The following DNAH5 variants were observed in gnomAD, a reference collection of about 807,000 sequenced individuals.
DNAH5 encodes the protein axonemal beta dynein heavy chain 5.
DNAH5 carries 372 observed loss-of-function variants against 518.2 expected under a neutral mutation model. That is an observed-to-expected ratio of 0.72 (90% CI 0.66 to 0.78). The LOEUF (loss-of-function observed/expected upper bound fraction) is 0.78, where lower values mean the gene tolerates loss of function less well. Among genes scored for constraint, DNAH5 ranks in the 30% least tolerant of loss-of-function variants. The pLI is 0.00. For synonymous variants in DNAH5, 2,039 were observed against 2,025.9 expected (o/e 1.01, Z -0.17); for missense variants, 5,523 against 5,687.0 (o/e 0.97, Z 0.93).
intron 60 of DNAH5, among the ~76,000 whole-genome samples, chr5:13,759,604 C>T (rs867529432): frequency 2.6e-5 from 4 of 152,068 alleles, no homozygotes; most frequent in African/African-American, 4.8e-5. Flanking sequence ...TATTTCTTGC[C>T]TTCTGGAAAG....
intron 30 of DNAH5, among the ~76,000 whole-genome samples, chr5:13,857,123 A>C (rs996973352): frequency 1.3e-5 from 2 of 152,222 alleles, no homozygotes; most frequent in East Asian, 3.8e-4. Flanking sequence ...CCATTGTCTC[A>C]GCCCCAAAAC....
chr5:13,949,718 A>G (rs984001785), intron 1 of DNAH5, among the ~76,000 whole-genome samples: 1 of 152,242 alleles, frequency 6.6e-6, no homozygotes, highest in African/African-American at 2.4e-5. Context: ...AGTGCCTTTC[A>G]TGTAGAAAGT....
At chr5:13,785,914 G>A (rs1265808689) in intron 52 of DNAH5, among the ~76,000 whole-genome samples, 2 of 152,162 alleles carry the variant, frequency 1.3e-5, no homozygotes, top group Non-Finnish European at 2.9e-5. Context: ...TTCATCCTCC[G>A]TGGTGAAAGC....
At chr5:13,889,960 C>A (rs980491668) in intron 17 of DNAH5, among the ~76,000 whole-genome samples, 4 of 152,166 alleles carry the variant, frequency 2.6e-5, no homozygotes, top group African/African-American at 9.7e-5. Context: ...GAGTCCTTAT[C>A]CTCAAGATGC....
intron 51 of DNAH5, 108 bp from the exon 52 acceptor site, chr5:13,786,459 T>C (rs1460674091): frequency 5.2e-6 from 6 of 1,157,180 alleles, no homozygotes; most frequent in African/African-American, 1.5e-5. Context: ...ATAACATTCA[T>C]TTTAAGCTAA....
intron 1 of DNAH5, among the ~76,000 whole-genome samples, chr5:13,954,181 G>A (rs1009928935): frequency 6.6e-6 from 1 of 152,102 alleles, no homozygotes; most frequent in Non-Finnish European, 1.5e-5. Context: ...CTCACCAAAG[G>A]CAATCAAAAC....
At chr5:13,829,880 T>G in intron 37 of DNAH5, 146 bp downstream of exon 37, 2 of 1,083,434 alleles carry the variant, frequency 1.8e-6, no homozygotes, top group Non-Finnish European at 2.8e-6. Flanking sequence ...CATATGATCT[T>G]TGCTTAACAC....
intron 1 of DNAH5, among the ~76,000 whole-genome samples, chr5:13,966,848 T>C (rs574629834): frequency 1.3e-5 from 2 of 152,128 alleles, no homozygotes; most frequent in South Asian, 4.2e-4. Flanking sequence ...TAAAGCATTG[T>C]TTTTTGTTTT....
chr5:13,987,892 T>C (rs536759670), intron 1 of DNAH5, among the ~76,000 whole-genome samples: 35 of 123,562 alleles, frequency 2.8e-4, no homozygotes, highest in East Asian at 2.6e-3. Context: ...GATTATTCAA[T>C]AGGACCCTTC....
intron 1 of DNAH5, among the ~76,000 whole-genome samples, chr5:13,937,790 A>C (rs1449932761): frequency 6.6e-6 from 1 of 152,150 alleles, no homozygotes; most frequent in Admixed American, 6.5e-5. Flanking sequence ...CGTTGAAATG[A>C]ATATATTTCT....
intron 65 of DNAH5, among the ~76,000 whole-genome samples, chr5:13,749,690 A>C (rs1382964117): frequency 6.6e-6 from 1 of 152,210 alleles, no homozygotes; most frequent in Non-Finnish European, 1.5e-5. Flanking sequence ...CCAAGGCTAC[A>C]GGTGGAAGGA....
intron 1 of DNAH5, among the ~76,000 whole-genome samples, chr5:13,969,043 A>G (rs1457454053): frequency 1.3e-5 from 2 of 152,078 alleles, no homozygotes; most frequent in African/African-American, 4.8e-5. Flanking sequence ...GGTTTAATCT[A>G]AAATAGTTGT....
chr5:13,723,573 T>C (rs1009845918), intron 70 of DNAH5, among the ~76,000 whole-genome samples: 9 of 152,232 alleles, frequency 5.9e-5, no homozygotes, highest in Non-Finnish European at 1.3e-4. Flanking sequence ...TTTTAGACTT[T>C]GGTGGCCAAA....
At chr5:13,878,975 T>A (rs1771268080) in intron 21 of DNAH5, among the ~76,000 whole-genome samples, 1 of 152,182 alleles carries the variant, frequency 6.6e-6, no homozygotes, top group Non-Finnish European at 1.5e-5. Flanking sequence ...TTAGGGGTAC[T>A]GACAGGACAT....
Position 13,841,806 on chromosome 5 carries a change from A to C in DNAH5, c.5370T>G (p.Asn1790Lys). 1 of 1,613,360 alleles carries C rather than the reference A, an allele frequency of 6.2e-7. No individual in the cohort carries two copies. Among genetic ancestry groups the C allele is most frequent in the East Asian group, 2.2e-5 (1 of 44,826 alleles). ...AGGACTGAGATTCTTCCAAAAGAGA[A>C]TTAAGCCAAACTTCCACATTGCCCT... ...MAEGNVEVWL[N>K]SLLEESQSSL... Residue 1790 changes from asparagine to lysine, a missense_variant, in exon 33 of 79, where the codon AAT (asparagine) becomes AAG (lysine). This residue lies in a region of DNAH5 where 5,121 missense variants were observed against 5,223.3 expected (regional missense o/e 0.98). Transcript: ENST00000265104.
At chr5:13,774,087 G>T (rs781639099) in intron 55 of DNAH5, among the ~76,000 whole-genome samples, 1 of 152,116 alleles carries the variant, frequency 6.6e-6, no homozygotes, top group Non-Finnish European at 1.5e-5. Context: ...GTTTTAAGCA[G>T]AAATAAATGC....
At chr5:13,798,649 A>G (rs978130452) in intron 47 of DNAH5, among the ~76,000 whole-genome samples, 3 of 149,054 alleles carry the variant, frequency 2.0e-5, no homozygotes, top group Non-Finnish European at 3.0e-5. Context: ...GAGACAAAAT[A>G]TAAGACAAAA....
chr5:13,993,475 T>C (rs1245925765), intron 1 of DNAH5, among the ~76,000 whole-genome samples: 1 of 152,240 alleles, frequency 6.6e-6, no homozygotes, highest in Non-Finnish European at 1.5e-5. Flanking sequence ...TCATATATTC[T>C]ACCCCACTGT....
chr5:13,758,427 C>T (rs972570235), intron 61 of DNAH5, among the ~76,000 whole-genome samples: 14 of 152,084 alleles, frequency 9.2e-5, no homozygotes, highest in Non-Finnish European at 1.3e-4. Context: ...CCCAGGAATT[C>T]AAGGCTGCAG....
Sources: allele counts gnomAD v4.1 joint callset (sites outside exome capture counted in the v4.1 genomes callset), GRCh38; gene constraint gnomAD v4.1.1; regional missense constraint gnomAD v4.1.1; transcripts MANE v1.5; gene names NCBI Gene and HGNC (gene_info 2026-07-23, HGNC 2026-07-21).